Variants in NAT1 observed in about 807,000 individuals in gnomAD.
The protein encoded by NAT1 is N-acetyltransferase 1.
For synonymous variants in NAT1, 144 were observed against 122.6 expected (o/e 1.17, Z -1.16); for missense variants, 400 against 339.2 (o/e 1.18, Z -1.41).
chr8:18,209,773 T>G (rs187449150), upstream of NAT1: 1 of 152,270 alleles, frequency 6.6e-6, no homozygotes, highest in Admixed American at 6.5e-5. Context: ...CTCTTTTGCC[T>G]CCTCTAGGTT....
intron 2 of NAT1, among the ~76,000 whole-genome samples, chr8:18,192,786 A>T (rs1027290812): frequency 6.6e-6 from 1 of 151,826 alleles, no homozygotes; most frequent in Non-Finnish European, 1.5e-5. Flanking sequence ...TGGGAATTGA[A>T]CAACGAGAAC....
chr8:18,211,314 C>G (rs1047555148), intron 1 of NAT1: 1 of 152,308 alleles, frequency 6.6e-6, no homozygotes, highest in Non-Finnish European at 1.5e-5. Flanking sequence ...ATGCTGCTCC[C>G]ATGCCCTGAC....
chr8:18,207,448 A>G (rs948025403), upstream of NAT1, among the ~76,000 whole-genome samples: 3 of 152,180 alleles, frequency 2.0e-5, no homozygotes, highest in South Asian at 2.1e-4. Context: ...TGATGAGAAT[A>G]GCATAGAAAT....
At chr8:18,219,549 C>G (rs765417532) in intron 2 of NAT1, 60 bp downstream of exon 2, 6 of 859,496 alleles carry the variant, frequency 7.0e-6, no homozygotes, top group Non-Finnish European at 1.1e-5. Flanking sequence ...ACTCTGCCTC[C>G]TTTAAGTCTT....
In NAT1 at chr8:18,216,959, T is replaced by C. The variant is rs779970548; in HGVS notation, c.-85-2452T>C. ...CACAGGGTCCAGCTGTTGGCTATAATAGCCTACCGGTCTCTGATGATCACC... is the reference window on the plus strand; with the variant it reads ...CACAGGGTCCAGCTGTTGGCTATAACAGCCTACCGGTCTCTGATGATCACC... On this transcript the variant is annotated intron_variant, in intron 1 of 2. Coordinates refer to ENST00000307719, the MANE Select transcript of NAT1 (RefSeq NM_000662.8). The C allele has an allele frequency of 3.2e-6, 5 of 1,551,088 alleles. No homozygotes were observed. The East Asian group carries it at 9.8e-5, about 30-fold the overall frequency.
At chr8:18,221,890 TA>T in intron 2 of NAT1, 151 bp from the exon 3 acceptor site, 1 of 794,900 alleles carries the variant, frequency 1.3e-6, no homozygotes, top group Non-Finnish European at 1.9e-6. Context: ...CTTATGTGTG[TA>T]AAAGGAATTC....
intron 2 of NAT1, among the ~76,000 whole-genome samples, chr8:18,197,182 C>G (rs1447920632): frequency 6.6e-6 from 1 of 152,196 alleles, no homozygotes; most frequent in East Asian, 1.9e-4. Context: ...CCAATCACCT[C>G]CTACCTGGTC....
chr8:18,222,799 A>G lies in NAT1; in HGVS notation c.752A>G (p.Asp251Gly). ...AGATTCAATTATAAGGACAATACAGATCTAATAGAGTTCAAGACTCTGAGT... is the reference window on the plus strand; with the variant it reads ...AGATTCAATTATAAGGACAATACAGGTCTAATAGAGTTCAAGACTCTGAGT... ...HRRFNYKDNT[D>G]LIEFKTLSEE... Residue 251 changes from aspartate to glycine, a missense_variant, in exon 3 of 3, where the codon GAT becomes GGT. By Grantham distance (94) the Asp-to-Gly change is moderately conservative (BLOSUM62 -1). Coordinates refer to ENST00000307719, the MANE Select transcript of NAT1 (RefSeq NM_000662.8). 1 of 1,612,510 alleles carries G rather than the reference A, an allele frequency of 6.2e-7. No individual in the cohort carries two copies. The highest frequency in any genetic ancestry group is 1.1e-5 in the South Asian group (1 of 90,506).
intron 2 of NAT1, among the ~76,000 whole-genome samples, chr8:18,174,939 C>A (rs746855000): frequency 1.4e-4 from 22 of 152,140 alleles, no homozygotes; most frequent in African/African-American, 5.3e-4. Flanking sequence ...CACCTCTGGG[C>A]AACACAATCT....
intron 2 of NAT1, among the ~76,000 whole-genome samples, chr8:18,183,442 C>G (rs1263926132): frequency 6.6e-6 from 1 of 152,140 alleles, no homozygotes; most frequent in East Asian, 1.9e-4. Flanking sequence ...AGTCCAGAGT[C>G]CCATCTAAAT....
intron 2 of NAT1, among the ~76,000 whole-genome samples, chr8:18,173,928 C>T (rs764295243): frequency 1.4e-4 from 19 of 139,662 alleles, no homozygotes; most frequent in Admixed American, 3.6e-4. Context: ...AGTGAATAGA[C>T]AGACTCACCT....
intron 2 of NAT1, among the ~76,000 whole-genome samples, chr8:18,195,974 C>T (rs993883531): frequency 4.2e-4 from 63 of 151,298 alleles, no homozygotes; most frequent in African/African-American, 1.4e-3. Context: ...CAAAAATGTA[C>T]GATGCACTTT....
chr8:18,219,509 GA>G lies in NAT1; in HGVS notation c.-7+21del. On this transcript the variant is annotated intron_variant, in intron 2 of 2. Transcript: ENST00000307719. ...AGAAAGGTATTAAGCGCCTTTCTGA[GA>G]GCTCTCAGTGGGCTTCCTAAGCACG... The G allele has an allele frequency of 6.8e-7, 1 of 1,468,516 alleles. No individual in the cohort carries two copies. 91.0% of individuals were successfully genotyped at this position (1,468,516 alleles called of 1,614,324 possible). A position where few individuals can be genotyped will look rare whatever the true frequency, so the allele number is the denominator to read the frequency against.
At chr8:18,210,866 C>T (rs373845105) in intron 1 of NAT1, among the ~76,000 whole-genome samples, 61 of 152,322 alleles carry the variant, frequency 4.0e-4, no homozygotes, top group African/African-American at 1.3e-3. Flanking sequence ...CCTCCTCCTC[C>T]TGAGTTCAAG....
At chr8:18,194,635 C>G (rs747382247) in intron 2 of NAT1, among the ~76,000 whole-genome samples, 12 of 151,862 alleles carry the variant, frequency 7.9e-5, no homozygotes, top group Non-Finnish European at 1.8e-4. Context: ...GCCTGGCCAA[C>G]ATGGTAAAAC....
chr8:18,208,815 T>C (rs903900295), upstream of NAT1, among the ~76,000 whole-genome samples: 2 of 152,084 alleles, frequency 1.3e-5, no homozygotes, highest in Admixed American at 1.3e-4. Context: ...CCGCCCCGGG[T>C]CAGAGGGAAA....
chr8:18,213,264 A>C (rs1446726729), intron 1 of NAT1, among the ~76,000 whole-genome samples: 1 of 151,544 alleles, frequency 6.6e-6, no homozygotes, highest in East Asian at 1.9e-4. Flanking sequence ...TTTTTTTTTC[A>C]ATGTTTTTTG....
chr8:18,173,919 G>A (rs1052711077), intron 2 of NAT1, among the ~76,000 whole-genome samples: 1 of 146,966 alleles, frequency 6.8e-6, no homozygotes, highest in Non-Finnish European at 1.5e-5. Flanking sequence ...ACTTAAAGGA[G>A]TGAATAGACA....
At chr8:18,170,654 T>C (rs1276432648) in intron 1 of NAT1, 2 of 152,178 alleles carry the variant, frequency 1.3e-5, no homozygotes. Flanking sequence ...TTAAATTTAA[T>C]TTAACTTGGA....
Sources: gnomAD v4.1 joint callset for allele counts (sites outside exome capture counted in the v4.1 genomes callset) on GRCh38, gnomAD v4.1.1 for gene constraint, MANE v1.5 for transcripts, NCBI Gene and HGNC (gene_info 2026-07-23, HGNC 2026-07-21) for gene names.